Variants in SPON2 observed in about 807,000 individuals in gnomAD.
SPON2 encodes spondin-2.
SPON2 carries 32 observed loss-of-function variants against 29.9 expected under a neutral mutation model. The observed-to-expected ratio is 1.07, with a 90% CI of 0.81 to 1.44. The LOEUF is 1.44. SPON2 is among the 40% of genes most tolerant of loss of function. The pLI, the probability that SPON2 is intolerant of heterozygous loss-of-function variation, is 0.00. For synonymous variants in SPON2, 248 were observed against 209.1 expected (o/e 1.19, Z -1.61); for missense variants, 541 against 455.5 (o/e 1.19, Z -1.71).
chr4:1,170,487 C>T lies in SPON2; in HGVS notation c.726G>A (p.Val242=). Residue 242 remains valine, a synonymous_variant, in exon 5 of 6, where the codon GTG becomes GTA. Coordinates refer to ENST00000290902, the MANE Select transcript of SPON2 (RefSeq NM_012445.4). ...AGGCCCTGGGGCTCTGTCGCAGCCGCACCAGTGTCACCCTGGCGATGGGAG... is the reference window on the plus strand; with the variant it reads ...AGGCCCTGGGGCTCTGTCGCAGCCGTACCAGTGTCACCCTGGCGATGGGAG... ...ALPPIARVTL[V]RLRQSPRAFI... is the part of the protein sequence containing the mutation. 6.2e-7 allele frequency: 1 copy of T among 1,614,044 alleles called. No individual in the cohort carries two copies. Among genetic ancestry groups the T allele is most frequent in the African/African-American group, 1.3e-5 (1 of 75,060 alleles).
At position 1,171,073 on chromosome 4, in the gene SPON2, C is replaced by A; in HGVS notation, c.562G>T (p.Asp188Tyr). The A allele has an allele frequency of 6.5e-7, 1 of 1,550,034 alleles. No individual in the cohort carries two copies. The highest frequency in any genetic ancestry group is 1.2e-5 in the South Asian group (1 of 83,960). Residue 188 changes from aspartate to tyrosine, a missense_variant, in exon 4 of 6, where the codon GAC (aspartate) becomes TAC (tyrosine). Transcript: ENST00000290902. ...EQAALDLYPY[D>Y]AGTDSGFTFS... ...GTGAAGCCGCTGTCCGTCCCGGCGTCGTAGGGGTACAGGTCCAGCGCCGCC... is the reference window on the plus strand; with the variant it reads ...GTGAAGCCGCTGTCCGTCCCGGCGTAGTAGGGGTACAGGTCCAGCGCCGCC...
rs1727428093 is a variant in SPON2, at chr4:1,171,177, A to ACCAAT, written c.457_458insATTGG (p.Val153AspfsTer60). The ACCAAT allele has an allele frequency of 6.5e-7, 1 of 1,533,090 alleles. No homozygotes were observed. The highest frequency in any genetic ancestry group is 8.7e-7 in the Non-Finnish European group (1 of 1,143,020). 95.0% of individuals were successfully genotyped at this position (1,533,090 alleles called of 1,614,324 possible). On this transcript the variant is annotated frameshift_variant, in exon 4 of 6. Transcript: ENST00000290902. LOFTEE classifies it high-confidence loss of function. Reference sequence around the variant, plus strand: ...CCAGTCGGGGCTGGGCACGATGCGCACCACAAACGAGACCTGCGGCGACAG... The same window carrying ACCAAT: ...CCAGTCGGGGCTGGGCACGATGCGCACCAATCCACAAACGAGACCTGCGGCGACAG...
In SPON2 at chr4:1,167,279, G is replaced by C; in HGVS notation, c.*193C>G. 1.8e-6 allele frequency: 1 copy of C among 567,738 alleles called. No homozygotes were observed. Among genetic ancestry groups the C allele is most frequent in the Non-Finnish European group, 3.0e-6 (1 of 330,174 alleles). The allele number at this position is 567,738 out of a possible 1,614,324, so 35.2% of individuals were successfully genotyped here. On this transcript the variant is annotated 3_prime_UTR_variant, in exon 6 of 6. Transcript: ENST00000290902. ...CCCCTAAGAAGCAAGGTTGGGAAAG[G>C]AGGAGGCTGTTTCCCAATGCCCGTG...
At chr4:1,193,254 C>T (rs1260017923) in intron 1 of SPON2, among the ~76,000 whole-genome samples, 1 of 152,194 alleles carries the variant, frequency 6.6e-6, no homozygotes, top group African/African-American at 2.4e-5. Context: ...TGCAGAGACT[C>T]AGTGGGCACT....
Position 1,167,594 on chromosome 4 carries a change from G to A in SPON2, c.874C>T (p.His292Tyr). 6.2e-7 allele frequency: 1 copy of A among 1,613,572 alleles called. No homozygotes were observed. The highest frequency in any genetic ancestry group is 8.5e-7 in the Non-Finnish European group (1 of 1,179,988). ...LWSSWGLCGG[H>Y]CGRLGTKSRT... ...CTCTTGGTCCCGAGCCTCCCACAGT[G>A]GCCTCCGCACAGTCCCCAGGACGAC... The change falls in exon 6 of 6, where the codon CAC becomes TAC. Residue 292 changes from histidine to tyrosine, a missense_variant. By Grantham distance (83) the His-to-Tyr change is moderately conservative. Coordinates refer to ENST00000290902, the MANE Select transcript of SPON2 (RefSeq NM_012445.4).
chr4:1,198,190 G>A (rs531434987), upstream of SPON2, among the ~76,000 whole-genome samples: 17 of 152,336 alleles, frequency 1.1e-4, no homozygotes, highest in African/African-American at 3.1e-4. Flanking sequence ...CAGCCCGCTC[G>A]GCCGGGGCAG....
intron 1 of SPON2, among the ~76,000 whole-genome samples, chr4:1,180,915 G>A (rs1407496899): frequency 6.6e-6 from 1 of 152,192 alleles, no homozygotes; most frequent in Non-Finnish European, 1.5e-5. Context: ...AAATGCAAAT[G>A]CATAACTGAA....
intron 1 of SPON2, among the ~76,000 whole-genome samples, chr4:1,188,345 G>A (rs1727844873): frequency 6.6e-6 from 1 of 152,036 alleles, no homozygotes. Context: ...AGCAAATGGT[G>A]TGCCTAAATT....
At chr4:1,172,304 G>A (rs1358867788) in intron 1 of SPON2, 2 of 589,194 alleles carry the variant, frequency 3.4e-6, no homozygotes, top group African/African-American at 1.9e-5. Flanking sequence ...GTAACGGGCA[G>A]GTTTTCAGTC....
intron 1 of SPON2, chr4:1,201,004 G>A (rs1434454891): frequency 2.2e-6 from 1 of 456,706 alleles, no homozygotes; most frequent in Non-Finnish European, 4.4e-6. Flanking sequence ...CCTCCCGTGT[G>A]GACTGTTCCC....
At chr4:1,198,840 T>C (rs1728131128), upstream of SPON2, among the ~76,000 whole-genome samples, 1 of 152,178 alleles carries the variant, frequency 6.6e-6, no homozygotes, top group Non-Finnish European at 1.5e-5. Context: ...ATAAAAGCAC[T>C]ATTTCTAGTA....
intron 1 of SPON2, among the ~76,000 whole-genome samples, chr4:1,184,093 C>T (rs1383361075): frequency 6.6e-6 from 1 of 152,158 alleles, no homozygotes; most frequent in Non-Finnish European, 1.5e-5. Flanking sequence ...TTCTCCACCT[C>T]AGCCTCCCAA....
In SPON2 at chr4:1,202,777, G is replaced by A. The variant is rs543439934; in HGVS notation, c.-234+5103C>T. 6.6e-6 allele frequency among the ~76,000 whole-genome samples: 1 copy of A among 152,186 alleles called. No individual in the cohort carries two copies. The highest frequency in any genetic ancestry group is 1.5e-5 in the Non-Finnish European group (1 of 68,034). On this transcript the variant is annotated intron_variant, in intron 1 of 3. Coordinates refer to the SPON2 transcript ENST00000509233. This position sits in a 1 kb window ranked among gnomAD's most constrained non-coding sequence, Gnocchi z 5.4. ...TGGGCCCCAAGGCTGTCAGCAACAT[G>A]CTTTGAAATCTGGGTGCAGGCCACC... is the stretch of plus-strand genomic sequence containing the variant.
At chr4:1,200,688 C>G (rs1171514462) in intron 1 of SPON2, 2 of 402,392 alleles carry the variant, frequency 5.0e-6, no homozygotes, top group Non-Finnish European at 1.0e-5. Context: ...GTGGACGACC[C>G]TCACAACTCT....
Position 1,167,310 on chromosome 4 carries a change from C to G in SPON2, c.*162G>C. On this transcript the variant is annotated 3_prime_UTR_variant, in exon 6 of 6. Transcript: ENST00000290902. The stretch of plus-strand genomic sequence containing the variant: ...GCTGTTTCCCAATGCCCGTGCCGGC[C>G]ACCAGAGGGCCCTTCAGTGCAGAGA... 2.9e-6 allele frequency: 2 copies of G among 678,008 alleles called. No individual in the cohort carries two copies. Among genetic ancestry groups the G allele is most frequent in the Non-Finnish European group, 4.7e-6 (2 of 425,908 alleles). The allele number at this position is 678,008 out of a possible 1,614,324, so 42.0% of individuals were successfully genotyped here.
chr4:1,191,485 C>T (rs1272973846), intron 1 of SPON2, among the ~76,000 whole-genome samples: 1 of 152,124 alleles, frequency 6.6e-6, no homozygotes, highest in East Asian at 1.9e-4. Flanking sequence ...GATCAAAGAC[C>T]TAAAAGTAAA....
chr4:1,200,743 G>A, intron 1 of SPON2: 1 of 448,640 alleles, frequency 2.2e-6, no homozygotes, highest in Non-Finnish European at 4.5e-6. Context: ...AGGGGGAGGG[G>A]AGCAGCGAGG....
intron 1 of SPON2, among the ~76,000 whole-genome samples, chr4:1,193,354 C>T (rs1290948585): frequency 3.3e-5 from 5 of 152,066 alleles, no homozygotes; most frequent in Admixed American, 3.3e-4. Context: ...GTCCCCGTCA[C>T]CGGGTATCTG....
At chr4:1,196,417 G>T (rs1728071406), upstream of SPON2, among the ~76,000 whole-genome samples, 1 of 152,240 alleles carries the variant, frequency 6.6e-6, no homozygotes, top group Non-Finnish European at 1.5e-5. Context: ...GCAGCTGCGG[G>T]AAGTGCACGT....
Sources: allele counts gnomAD v4.1 joint callset (sites outside exome capture counted in the v4.1 genomes callset), GRCh38; gene constraint gnomAD v4.1.1; non-coding constraint Gnocchi (gnomAD v3.1); transcripts MANE v1.5; gene names NCBI Gene and HGNC (gene_info 2026-07-23, HGNC 2026-07-21).